The following WDR41 variants were observed in gnomAD, a reference collection of about 807,000 sequenced individuals.
WDR41 encodes WD repeat domain 41, also known as WD repeat-containing protein 41.
WDR41 carries 63 observed loss-of-function variants against 69.3 expected under a neutral mutation model. The observed-to-expected ratio is 0.91, with a 90% confidence interval of 0.74 to 1.12. The LOEUF (loss-of-function observed/expected upper bound fraction) is 1.12. WDR41 is among the 50% of genes most tolerant of loss of function. The pLI, the probability that WDR41 is intolerant of heterozygous loss-of-function variation, is 0.00. For missense variants in WDR41, 543 were observed against 534.5 expected, an observed-to-expected ratio of 1.02 and a Z score of -0.16; for synonymous variants, 185 against 192.1, an observed-to-expected ratio of 0.96 and a Z score of 0.31.
At chr5:77,512,363 T>G (rs59372520) in intron 1 of WDR41, among the ~76,000 whole-genome samples, 3 of 119,994 alleles carry the variant, frequency 2.5e-5, no homozygotes, top group African/African-American at 1.0e-4. Flanking sequence ...TGAGTGTGTG[T>G]GTGTGTGTGT....
chr5:77,544,295 C>A (rs1208777171), intron 1 of WDR41, among the ~76,000 whole-genome samples: 1 of 151,976 alleles, frequency 6.6e-6, no homozygotes, highest in Non-Finnish European at 1.5e-5. Flanking sequence ...ACGAATAGCA[C>A]AATGAATGGA....
At chr5:77,552,512 A>T (rs933077687) in intron 1 of WDR41, among the ~76,000 whole-genome samples, 2 of 152,150 alleles carry the variant, frequency 1.3e-5, no homozygotes, top group African/African-American at 4.8e-5. Context: ...TCCCAGCAAT[A>T]TTTTTTTCAT....
intron 1 of WDR41, among the ~76,000 whole-genome samples, chr5:77,537,094 T>C (rs1217601387): frequency 6.6e-6 from 1 of 152,242 alleles, no homozygotes; most frequent in Non-Finnish European, 1.5e-5. Flanking sequence ...AAATATTGGC[T>C]ATAATAATCA....
In WDR41 at chr5:77,582,899, T is replaced by C; in HGVS notation, c.42+37580A>G. On this transcript the variant is annotated intron_variant, in intron 1 of 5. Coordinates refer to the WDR41 transcript ENST00000509971. ...ATTGCTTTGACAGATAACGCTTTGA[T>C]TGCTCGATCTCTTGGTAAATACGGC... 3 of 1,608,436 alleles carry C rather than the reference T, an allele frequency of 1.9e-6. No individual in the cohort carries two copies. The South Asian group carries it at 3.3e-5, about 18-fold the overall frequency.
intron 1 of WDR41, among the ~76,000 whole-genome samples, chr5:77,598,655 TG>T (rs369425538): frequency 0.064 from 6,443 of 101,444 alleles, 406 homozygotes; most frequent in East Asian, 0.38. Context: ...TTTTTTTTTT[TG>T]TTTTTTTTGT....
intron 6 of WDR41, 164 bp from the exon 7 acceptor site, chr5:77,451,517 G>GT: frequency 3.2e-6 from 2 of 616,360 alleles, no homozygotes; most frequent in Admixed American, 6.3e-5. Flanking sequence ...GAAAATGATT[G>GT]TTAAATGTAG....
At chr5:77,533,817 T>A (rs1016790537) in intron 1 of WDR41, among the ~76,000 whole-genome samples, 3 of 152,142 alleles carry the variant, frequency 2.0e-5, no homozygotes, top group African/African-American at 7.2e-5. Context: ...TTATCAGATT[T>A]ATTTTTCCGG....
At chr5:77,574,812 C>A (rs1433936568) in intron 1 of WDR41, among the ~76,000 whole-genome samples, 1 of 152,158 alleles carries the variant, frequency 6.6e-6, no homozygotes, top group Non-Finnish European at 1.5e-5. Context: ...CATTTCCATG[C>A]ATAATACATT....
intron 4 of WDR41, among the ~76,000 whole-genome samples, chr5:77,461,552 A>G (rs1800062162): frequency 6.6e-6 from 1 of 152,246 alleles, no homozygotes; most frequent in South Asian, 2.1e-4. Flanking sequence ...TTAAAAATTA[A>G]TATGACCGGA....
chr5:77,596,416 C>G (rs765730427), intron 1 of WDR41, among the ~76,000 whole-genome samples: 6 of 152,150 alleles, frequency 3.9e-5, no homozygotes, highest in African/African-American at 1.4e-4. Flanking sequence ...AGGCATGAGC[C>G]TCCACGCCTG....
chr5:77,468,910 G>C (rs1010843623), intron 2 of WDR41, among the ~76,000 whole-genome samples: 2 of 64,788 alleles, frequency 3.1e-5, no homozygotes, highest in Admixed American at 1.7e-4. Context: ...TATCTCTAAA[G>C]TCTCTTTTTT....
chr5:77,461,313 G>A (rs1800047160), intron 4 of WDR41, among the ~76,000 whole-genome samples: 1 of 152,112 alleles, frequency 6.6e-6, no homozygotes, highest in African/African-American at 2.4e-5. Flanking sequence ...ATGTATATAT[G>A]TATGTATGTA....
At chr5:77,477,670 A>G (rs1801009450) in intron 2 of WDR41, among the ~76,000 whole-genome samples, 1 of 86,710 alleles carries the variant, frequency 1.2e-5, no homozygotes, top group Non-Finnish European at 2.0e-5. Context: ...GACACATTCA[A>G]AGCAGTGTGT....
chr5:77,492,160 C>A lies in WDR41; in HGVS notation c.51+10G>T. 6.2e-7 allele frequency: 1 copy of A among 1,611,604 alleles called. No individual in the cohort carries two copies. The highest frequency in any genetic ancestry group is 8.5e-7 in the Non-Finnish European group (1 of 1,179,118). On this transcript the variant is annotated intron_variant, in intron 1 of 12. Transcript: ENST00000296679. ...TCGACGGACGCAGAGCAGACCCACC[C>A]GGGGTTTACCTCGGCCAGTCCCTGC...
chr5:77,528,902 ATTAT>A (rs1370640054), intron 1 of WDR41, among the ~76,000 whole-genome samples: 1 of 151,660 alleles, frequency 6.6e-6, no homozygotes, highest in East Asian at 1.9e-4. Context: ...TCTGATAAAG[ATTAT>A]TTATTTAAAA....
intron 1 of WDR41, among the ~76,000 whole-genome samples, chr5:77,505,113 T>C (rs1802085709): frequency 6.6e-6 from 1 of 152,198 alleles, no homozygotes; most frequent in Non-Finnish European, 1.5e-5. Context: ...CATGATTGTA[T>C]ATTTAGAAAA....
intron 1 of WDR41, among the ~76,000 whole-genome samples, chr5:77,614,118 A>C (rs1744625222): frequency 6.6e-6 from 1 of 151,982 alleles, no homozygotes; most frequent in Admixed American, 6.6e-5. Flanking sequence ...ACCAGTTAGA[A>C]TGGCAATCAT....
chr5:77,449,354 G>A (rs151165771), intron 8 of WDR41, among the ~76,000 whole-genome samples: 1 of 152,292 alleles, frequency 6.6e-6, no homozygotes, highest in African/African-American at 2.4e-5. Context: ...GCTCATTCTA[G>A]TGTAAGTGTG....
chr5:77,596,337 G>A (rs566405096), intron 1 of WDR41, among the ~76,000 whole-genome samples: 30 of 152,122 alleles, frequency 2.0e-4, no homozygotes, highest in South Asian at 1.9e-3. Context: ...TAGTGGAGAC[G>A]GGGTTTCACC....
Sources: allele counts gnomAD v4.1 joint callset (sites outside exome capture counted in the v4.1 genomes callset), GRCh38; gene constraint gnomAD v4.1.1; transcripts MANE v1.5; gene names NCBI Gene and HGNC (gene_info 2026-07-23, HGNC 2026-07-21).